Variants in NCKAP5 observed in about 807,000 individuals in gnomAD.
NCKAP5 encodes the protein NCK associated protein 5, also known as nck-associated protein 5.
NCKAP5 carries 92 observed loss-of-function variants against 167.0 expected under a neutral mutation model. The observed-to-expected ratio is 0.55, with a 90% CI of 0.47 to 0.66. The LOEUF (loss-of-function observed/expected upper bound fraction) is 0.66, where lower values mean the gene tolerates loss of function less well. NCKAP5 is among the 30% of genes least tolerant of loss of function. The pLI, the probability that NCKAP5 is intolerant of heterozygous loss-of-function variation, is 0.00. For missense variants in NCKAP5, 2,378 were observed against 2,315.0 expected, an observed-to-expected ratio of 1.03 and a Z score of -0.56; for synonymous variants, 891 against 877.4, an observed-to-expected ratio of 1.02 and a Z score of -0.27.
At chr2:133,189,478 C>CA (rs1418794249) in intron 5 of NCKAP5, among the ~76,000 whole-genome samples, 30 of 151,954 alleles carry the variant, frequency 2.0e-4, no homozygotes, top group Middle Eastern at 3.4e-3. Flanking sequence ...AGAGACACAA[C>CA]AAAAAAAGAG....
chr2:132,942,027 T>C (rs1049813612), intron 8 of NCKAP5, among the ~76,000 whole-genome samples: 1 of 152,202 alleles, frequency 6.6e-6, no homozygotes, highest in Admixed American at 6.5e-5. Flanking sequence ...GGGTGTGTTA[T>C]AGTTCCTAAT....
chr2:133,212,272 T>G (rs1037060907), intron 5 of NCKAP5, among the ~76,000 whole-genome samples: 5 of 152,194 alleles, frequency 3.3e-5, no homozygotes. Context: ...CATTTTGAAA[T>G]GCAGTGAAAA....
At chr2:132,920,773 A>G (rs13009534) in intron 8 of NCKAP5, among the ~76,000 whole-genome samples, 592 of 3,782 alleles carry the variant, frequency 0.16, 28 homozygotes, top group Non-Finnish European at 0.32. Flanking sequence ...ATATGTATGT[A>G]TATATATATA....
chr2:133,216,150 A>T (rs921785145), intron 4 of NCKAP5, among the ~76,000 whole-genome samples: 4 of 152,266 alleles, frequency 2.6e-5, no homozygotes, highest in Admixed American at 6.5e-5. Flanking sequence ...TAATATTATT[A>T]CACTGTCAAA....
chr2:132,761,029 C>T (rs889626240), intron 16 of NCKAP5, among the ~76,000 whole-genome samples: 29 of 152,148 alleles, frequency 1.9e-4, no homozygotes, highest in Non-Finnish European at 4.1e-4. Flanking sequence ...TCAGAGGAAA[C>T]ATTTTCCTCC....
intron 11 of NCKAP5, among the ~76,000 whole-genome samples, chr2:132,815,650 C>T (rs2105290603): frequency 6.6e-6 from 1 of 152,132 alleles, no homozygotes; most frequent in Admixed American, 6.5e-5. Context: ...CTTGAATGTA[C>T]AAAAATTTAG....
intron 5 of NCKAP5, among the ~76,000 whole-genome samples, chr2:133,203,410 G>A (rs1003029748): frequency 2.6e-5 from 4 of 152,062 alleles, no homozygotes; most frequent in Non-Finnish European, 5.9e-5. Flanking sequence ...GAAGCGGGGA[G>A]GAATAGCATT....
At chr2:132,799,307 A>T (rs931897527) in intron 11 of NCKAP5, among the ~76,000 whole-genome samples, 2 of 152,030 alleles carry the variant, frequency 1.3e-5, no homozygotes, top group Non-Finnish European at 2.9e-5. Flanking sequence ...TACTATGCTC[A>T]CTACCTCGGT....
intron 10 of NCKAP5, among the ~76,000 whole-genome samples, chr2:132,863,281 T>C (rs535870051): frequency 2.0e-4 from 30 of 152,220 alleles, no homozygotes; most frequent in Non-Finnish European, 7.4e-5. Flanking sequence ...TAAATATTAA[T>C]AGTACCTATT....
At position 132,829,043 on chromosome 2, in the gene NCKAP5, C is replaced by T. The variant is rs368602036; in HGVS notation, c.807+31449G>A. On this transcript the variant is annotated intron_variant, in intron 11 of 19. Transcript: ENST00000409261. ...GATGGGAGACTGACATAACCAGTAA[C>T]GGGAGAAAGGTGCTCATGAATATTC... 1.1e-4 allele frequency among the ~76,000 whole-genome samples: 17 copies of T among 152,136 alleles called. No individual in the cohort carries two copies. The South Asian group carries it at 2.9e-3, about 26-fold the overall frequency.
At chr2:133,196,904 T>G in intron 5 of NCKAP5, among the ~76,000 whole-genome samples, 1 of 152,158 alleles carries the variant, frequency 6.6e-6, no homozygotes, top group East Asian at 1.9e-4. Context: ...GGCACTCAGA[T>G]GGCAAGGTCA....
rs201086054 is a variant in NCKAP5 at position 132,783,556 on chromosome 2, A to G, written c.3255T>C (p.Ser1085=). ...PLEMTSSKSV[S]PGRKGQLNDS... is the part of the protein sequence containing the mutation. ...CATTCAATTGTCCTTTTCTCCCTGG[A>G]GATACACTTTTGGAGGACGTCATTT... Residue 1085 remains serine (S), a synonymous_variant, in exon 14 of 20, where the codon TCT becomes TCC. Transcript: ENST00000409261. 1,153 of 1,613,710 alleles carry G rather than the reference A, an allele frequency of 7.1e-4. 4 individuals carry two copies. The highest frequency in any genetic ancestry group is 8.4e-4 in the Non-Finnish European group (988 of 1,179,874).
chr2:133,644,740 A>G, the NCKAP5 span, among the ~76,000 whole-genome samples: 10 of 152,178 alleles, frequency 6.6e-5, no homozygotes, highest in African/African-American at 1.7e-4. Context: ...AACACAGACA[A>G]GGTACTATTT....
In NCKAP5 at chr2:132,982,516, T is replaced by G. The variant is rs1448970935; in HGVS notation, c.429+11636A>C. On this transcript the variant is annotated intron_variant, in intron 7 of 19. Transcript: ENST00000409261. ...ATAGCAGTCTTTTAAAAAAATATAA[T>G]TTCAGCTTTTATTTTAGATCCAGGG... Among the ~76,000 whole-genome samples, 3 of 152,208 alleles carry G rather than the reference T, an allele frequency of 2.0e-5. No individual in the cohort carries two copies. In the East Asian group the frequency reaches 5.8e-4, roughly 29 times the overall value.
rs1226877275 is a variant in NCKAP5, at chr2:132,768,939, CTTT to C, written c.5128+4874_5128+4876del. ...CAGGTGTGAGCCACCACACCTGGCC[CTTT>C]TTTTTTTTTTTTTTTTTTATGAGGC... is the stretch of plus-strand genomic sequence containing the variant. On this transcript the variant is annotated intron_variant, in intron 16 of 19. Coordinates refer to ENST00000409261, the MANE Select transcript of NCKAP5 (RefSeq NM_207363.3). 9.1e-3 allele frequency among the ~76,000 whole-genome samples: 1,060 copies of C among 116,278 alleles called. 12 individuals carry two copies. The highest frequency in any genetic ancestry group is 0.037 in the Middle Eastern group (6 of 162). 76.3% of individuals were successfully genotyped at this position (116,278 alleles called of 152,430 possible). A position where few individuals can be genotyped will look rare whatever the true frequency, so the allele number is the denominator to read the frequency against.
intron 8 of NCKAP5, among the ~76,000 whole-genome samples, chr2:132,910,031 C>T (rs1038330383): frequency 5.3e-5 from 8 of 152,186 alleles, no homozygotes; most frequent in Admixed American, 2.6e-4. Flanking sequence ...GCCTGAGGCA[C>T]GGCTAGTGAA....
intron 16 of NCKAP5, among the ~76,000 whole-genome samples, chr2:132,754,374 G>A (rs1680362204): frequency 6.9e-6 from 1 of 145,730 alleles, no homozygotes; most frequent in South Asian, 2.2e-4. Flanking sequence ...ATCAAACAAA[G>A]CCACCTACTA....
At chr2:133,616,529 C>T in the NCKAP5 span, among the ~76,000 whole-genome samples, 73,991 of 150,112 alleles carry the variant, frequency 0.49, 20,223 homozygotes, top group Middle Eastern at 0.71. Context: ...AACACCTCTA[C>T]CCAAATAAAC....
intron 16 of NCKAP5, among the ~76,000 whole-genome samples, chr2:132,749,133 A>C (rs1330897933): frequency 6.6e-6 from 1 of 151,790 alleles, no homozygotes; most frequent in Non-Finnish European, 1.5e-5. Context: ...TTTAAAATAA[A>C]TACATAGTCT....
Sources: allele counts gnomAD v4.1 joint callset (sites outside exome capture counted in the v4.1 genomes callset), GRCh38; gene constraint gnomAD v4.1.1; transcripts MANE v1.5; gene names NCBI Gene and HGNC (gene_info 2026-07-23, HGNC 2026-07-21).